RFX3: variants seen among roughly 807,000 people sequenced by gnomAD.
RFX3 encodes transcription factor RFX3.
Under a neutral mutation model 98.6 loss-of-function variants are expected in RFX3, and 14 were observed. The observed-to-expected ratio is 0.14, with a 90% confidence interval of 0.09 to 0.22. The LOEUF (loss-of-function observed/expected upper bound fraction) is 0.22. Among genes scored for constraint, RFX3 ranks in the 10% least tolerant of loss-of-function variants. The pLI is 1.00. For synonymous variants in RFX3, 383 were observed against 328.4 expected, an observed-to-expected ratio of 1.17 and a Z score of -1.80; for missense variants, 639 against 926.9, an observed-to-expected ratio of 0.69 and a Z score of 4.03.
intron 4 of RFX3, among the ~76,000 whole-genome samples, chr9:3,325,871 A>G (rs1338045025): frequency 2.6e-5 from 4 of 152,164 alleles, no homozygotes; most frequent in Non-Finnish European, 5.9e-5. Flanking sequence ...AGAATTTCAA[A>G]TGAATAAAAG....
chr9:3,236,065 T>C (rs1199637168), intron 15 of RFX3, among the ~76,000 whole-genome samples: 4 of 152,194 alleles, frequency 2.6e-5, no homozygotes, highest in Non-Finnish European at 5.9e-5. Context: ...ATTTGGGACA[T>C]AGCAATTTTT....
At chr9:3,466,543 A>G (rs879690255) in intron 1 of RFX3, among the ~76,000 whole-genome samples, 2 of 152,172 alleles carry the variant, frequency 1.3e-5, no homozygotes, top group Non-Finnish European at 1.5e-5. Context: ...GCTTTTGCCA[A>G]TTACTTTTGC....
At chr9:3,329,429 C>CAAAAAAAAAAA (rs1056225979) in intron 4 of RFX3, among the ~76,000 whole-genome samples, 1 of 108,282 alleles carries the variant, frequency 9.2e-6, no homozygotes, top group African/African-American at 4.3e-5. Flanking sequence ...AAAAAAAAAA[C>CAAAAAAAAAAA]AAAAAACCAC....
At chr9:3,406,816 G>GA (rs1842016378) in intron 1 of RFX3, among the ~76,000 whole-genome samples, 1 of 151,726 alleles carries the variant, frequency 6.6e-6, no homozygotes. Context: ...TATTACAATG[G>GA]AATTTTATAA....
intron 1 of RFX3, among the ~76,000 whole-genome samples, chr9:3,419,052 T>G (rs146248850): frequency 3.7e-4 from 56 of 152,354 alleles, no homozygotes; most frequent in African/African-American, 1.2e-3. Context: ...ATTTTAATTT[T>G]GAAGGATAAA....
intron 1 of RFX3, among the ~76,000 whole-genome samples, chr9:3,509,737 T>C (rs1437612926): frequency 1.3e-5 from 2 of 151,820 alleles, no homozygotes; most frequent in Admixed American, 6.6e-5. Flanking sequence ...AAATATGGAG[T>C]TCAAAATTAT....
chr9:3,505,277 T>TTA (rs1816884399), intron 1 of RFX3, among the ~76,000 whole-genome samples: 5 of 94,508 alleles, frequency 5.3e-5, no homozygotes, highest in African/African-American at 1.9e-4. Context: ...TATATATGAA[T>TTA]ATATACATTT....
intron 3 of RFX3, among the ~76,000 whole-genome samples, chr9:3,332,981 G>C (rs994465422): frequency 2.0e-5 from 3 of 152,078 alleles, no homozygotes; most frequent in African/African-American, 7.2e-5. Context: ...TATGTTTTAT[G>C]TTCTGTACTT....
chr9:3,506,918 A>G (rs749142453), intron 1 of RFX3, among the ~76,000 whole-genome samples: 1 of 151,964 alleles, frequency 6.6e-6, no homozygotes, highest in South Asian at 2.1e-4. Flanking sequence ...GTAAGACTGC[A>G]TTGCTTGAAA....
At chr9:3,420,333 C>T (rs1040874597) in intron 1 of RFX3, among the ~76,000 whole-genome samples, 5 of 152,140 alleles carry the variant, frequency 3.3e-5, no homozygotes, top group African/African-American at 1.2e-4. Flanking sequence ...GAAATGTGAA[C>T]ACAGAAGCCC....
intron 16 of RFX3, 128 bp downstream of exon 16, chr9:3,228,719 C>T (rs1355854795): frequency 1.5e-5 from 10 of 659,760 alleles, no homozygotes; most frequent in Non-Finnish European, 2.4e-5. Context: ...CAGGAGTTTC[C>T]TATTTATCTA....
intron 1 of RFX3, chr9:3,400,245 C>T: frequency 2.0e-6 from 2 of 979,840 alleles, no homozygotes; most frequent in African/African-American, 3.5e-5. Context: ...TAGAATGAGA[C>T]AGGAAGAAAA....
At chr9:3,365,295 C>CAAA (rs1177381806) in intron 2 of RFX3, among the ~76,000 whole-genome samples, 2 of 62,484 alleles carry the variant, frequency 3.2e-5, no homozygotes, top group Non-Finnish European at 7.7e-5. Flanking sequence ...AGACTCATCT[C>CAAA]AAAAAAAAAA....
chr9:3,467,267 C>CATACATACAT (rs1564139649), intron 1 of RFX3, among the ~76,000 whole-genome samples: 1 of 142,424 alleles, frequency 7.0e-6, no homozygotes, highest in Non-Finnish European at 1.5e-5. Context: ...TATATATGTA[C>CATACATACAT]ATACATACAT....
intron 2 of RFX3, among the ~76,000 whole-genome samples, chr9:3,391,866 T>C (rs1240612889): frequency 6.6e-6 from 1 of 152,182 alleles, no homozygotes; most frequent in Non-Finnish European, 1.5e-5. Flanking sequence ...AGTAAAATGT[T>C]TGGAGGTTTG....
chr9:3,448,471 TC>T (rs1415063217), intron 1 of RFX3, among the ~76,000 whole-genome samples: 2 of 152,170 alleles, frequency 1.3e-5, no homozygotes, highest in Non-Finnish European at 2.9e-5. Context: ...TCTGAGGCCC[TC>T]CCACAATACA....
chr9:3,390,567 T>A (rs1587470207), intron 2 of RFX3, among the ~76,000 whole-genome samples: 1 of 152,096 alleles, frequency 6.6e-6, no homozygotes, highest in South Asian at 2.1e-4. Context: ...GAATTGTAAT[T>A]CCCACAATTC....
rs3758194 is a variant in RFX3 at position 3,344,994 on chromosome 9, C to G, written c.215+1673G>C. ...ACTGACTTTATTATGTGCCAATCAC[C>G]TAAGCAAATGTAAATAAAACAAAAT... On this transcript the variant is annotated intron_variant, in intron 3 of 16. Transcript: ENST00000617270. The G allele has an allele frequency of 3.1e-3, 1,803 of 586,924 alleles. 26 individuals are homozygous for G. In the East Asian group the frequency reaches 0.041, roughly 13 times the overall value. 36.4% of individuals were successfully genotyped at this position (586,924 alleles called of 1,614,324 possible). A position where few individuals can be genotyped will look rare whatever the true frequency, so the allele number is the denominator to read the frequency against.
At chr9:3,468,153 T>G (rs1848476751) in intron 1 of RFX3, among the ~76,000 whole-genome samples, 1 of 152,218 alleles carries the variant, frequency 6.6e-6, no homozygotes, top group South Asian at 2.1e-4. Context: ...TTCAAAATCT[T>G]TATTTGAATA....
Sources: allele counts gnomAD v4.1 joint callset (sites outside exome capture counted in the v4.1 genomes callset), GRCh38; gene constraint gnomAD v4.1.1; transcripts MANE v1.5; gene names NCBI Gene and HGNC (gene_info 2026-07-23, HGNC 2026-07-21).